The following ZNF423 variants were observed in gnomAD, a reference collection of about 807,000 sequenced individuals.
The protein encoded by ZNF423 is Ebf-associated zinc finger protein.
A neutral mutation model predicts 95.8 loss-of-function variants in ZNF423; 12 were observed. The ratio of observed to expected loss-of-function variants is 0.13; its 90% CI spans 0.08 to 0.20. ZNF423 has a LOEUF of 0.20. Among genes scored for constraint, ZNF423 ranks in the 10% least tolerant of loss-of-function variants. The probability of loss-of-function intolerance (pLI) is 1.00; values close to 1 mark genes in which losing one functional copy is unlikely to be tolerated. For synonymous variants in ZNF423, 749 were observed against 711.9 expected (o/e 1.05, Z -0.83); for missense variants, 1,316 against 1,737.1 (o/e 0.76, Z 4.31).
In ZNF423 at chr16:49,635,958, T is replaced by G; in HGVS notation, c.3218A>C (p.Lys1073Thr). ...PNGQGLQKLY[K>T]CALCLKEFRS... ...GAACTCCTTGAGGCACAGGGCGCAC[T>G]TGTAGAGCTTCTGCAGCCCCTGGCC... The change falls in exon 4 of 8, where the codon AAG becomes ACG. Residue 1073 changes from lysine to threonine, a missense_variant. Physicochemically the swap from Lys to Thr is moderately conservative, Grantham distance 78. Around this residue, in one of 6 missense-constraint regions of ZNF423, gnomAD observed 620 missense variants for 775.6 expected, o/e 0.80. Transcript: ENST00000563137. The surrounding 1 kb of genome is among the most constrained non-coding windows in gnomAD (Gnocchi z 4.8). The G allele has an allele frequency of 6.3e-7, 1 of 1,597,492 alleles. No homozygotes were observed. The highest frequency in any genetic ancestry group is 8.5e-7 in the Non-Finnish European group (1 of 1,170,722).
At chr16:49,854,014 G>C in intron 1 of ZNF423, 2 of 985,408 alleles carry the variant, frequency 2.0e-6, no homozygotes, top group Non-Finnish European at 2.4e-6. Context: ...CAGTGAGCCA[G>C]GGAAAGAGAA....
At chr16:49,573,509 T>G (rs151129449) in intron 5 of ZNF423, among the ~76,000 whole-genome samples, 1 of 152,322 alleles carries the variant, frequency 6.6e-6, no homozygotes, top group East Asian at 1.9e-4. Flanking sequence ...CTCCTTGCTA[T>G]GTTGTAATGT....
intron 2 of ZNF423, among the ~76,000 whole-genome samples, chr16:49,772,172 T>A (rs777263570): frequency 9.9e-5 from 15 of 152,148 alleles, no homozygotes; most frequent in Non-Finnish European, 2.2e-4. Flanking sequence ...TCAGTCCCAG[T>A]CCCAGGCTGA....
chr16:49,641,545 C>T (rs1196243390), intron 3 of ZNF423, among the ~76,000 whole-genome samples: 7 of 152,156 alleles, frequency 4.6e-5, no homozygotes, highest in African/African-American at 1.4e-4. Flanking sequence ...CACTCTTGTC[C>T]CTAGGACAAG....
At chr16:49,846,619 G>A (rs2035249140) in intron 1 of ZNF423, among the ~76,000 whole-genome samples, 7 of 152,138 alleles carry the variant, frequency 4.6e-5, no homozygotes, top group Admixed American at 4.6e-4. Flanking sequence ...GCTCCCCAGA[G>A]ACCCCAGCAC....
chr16:49,514,754 GC>G (rs1465370004), intron 7 of ZNF423, among the ~76,000 whole-genome samples: 1 of 152,238 alleles, frequency 6.6e-6, no homozygotes, highest in African/African-American at 2.4e-5. Context: ...TGGCCGCTTT[GC>G]CACCGCGGGC....
At chr16:49,858,241 C>A (rs928411554), upstream of ZNF423, among the ~76,000 whole-genome samples, 3 of 149,130 alleles carry the variant, frequency 2.0e-5, no homozygotes, top group Admixed American at 6.7e-5. The surrounding 1 kb of genome is among the most constrained non-coding windows in gnomAD (Gnocchi z 4.3). Flanking sequence ...CCGGCCGGGC[C>A]GCGGCGCCCG....
chr16:49,821,854 C>T (rs913654772), intron 1 of ZNF423, among the ~76,000 whole-genome samples: 3 of 152,198 alleles, frequency 2.0e-5, no homozygotes, highest in African/African-American at 7.2e-5. Flanking sequence ...ACAGCCCAGA[C>T]CCTCTGCAGC....
intron 3 of ZNF423, among the ~76,000 whole-genome samples, chr16:49,677,232 A>G (rs1299432376): frequency 1.1e-4 from 1 of 9,002 alleles, no homozygotes; most frequent in African/African-American, 4.5e-4. Flanking sequence ...ACAAGAAAAG[A>G]GAAGAGAAGA....
chr16:49,567,857 A>C (rs16947618), intron 5 of ZNF423, among the ~76,000 whole-genome samples: 16,967 of 152,208 alleles, frequency 0.11, 1,128 homozygotes, highest in East Asian at 0.27. Flanking sequence ...CCCAGCTCTA[A>C]GTACTCATTC....
At chr16:49,623,840 T>C (rs1457694365) in intron 5 of ZNF423, among the ~76,000 whole-genome samples, 1 of 152,144 alleles carries the variant, frequency 6.6e-6, no homozygotes, top group Admixed American at 6.5e-5. Context: ...GGCTGTCAGA[T>C]AGGTTGGGGG....
chr16:49,753,960 G>A (rs1473963118), intron 2 of ZNF423, among the ~76,000 whole-genome samples: 4 of 151,898 alleles, frequency 2.6e-5, no homozygotes. Flanking sequence ...GAACACGGGA[G>A]GAGAAGGGTG....
At chr16:49,790,599 C>T (rs989279806) in intron 1 of ZNF423, among the ~76,000 whole-genome samples, 14 of 152,238 alleles carry the variant, frequency 9.2e-5, no homozygotes, top group African/African-American at 3.4e-4. Context: ...GTGACCCCAA[C>T]CCACCACATG....
intron 1 of ZNF423, among the ~76,000 whole-genome samples, chr16:49,800,657 G>A (rs1171552928): frequency 6.6e-6 from 1 of 152,162 alleles, no homozygotes; most frequent in Non-Finnish European, 1.5e-5. Context: ...ACCCTTCACT[G>A]AGCCCAAGTG....
At chr16:49,565,641 G>A (rs1490581823) in intron 5 of ZNF423, among the ~76,000 whole-genome samples, 1 of 152,148 alleles carries the variant, frequency 6.6e-6, no homozygotes, top group Non-Finnish European at 1.5e-5. Flanking sequence ...ATCTGCTGGT[G>A]CCATCAACTC....
intron 1 of ZNF423, among the ~76,000 whole-genome samples, chr16:49,806,615 G>C (rs2034667278): frequency 6.6e-6 from 1 of 152,096 alleles, no homozygotes; most frequent in South Asian, 2.1e-4. Flanking sequence ...AAACTGATTT[G>C]TGTATGTATG....
chr16:49,716,737 G>A (rs1364313332), intron 3 of ZNF423, among the ~76,000 whole-genome samples: 1 of 152,118 alleles, frequency 6.6e-6, no homozygotes, highest in East Asian at 1.9e-4. Context: ...ACTAGAAGCA[G>A]TTCCTCCTGA....
At chr16:49,749,558 G>A (rs1244625731) in intron 2 of ZNF423, among the ~76,000 whole-genome samples, 1 of 152,244 alleles carries the variant, frequency 6.6e-6, no homozygotes, top group South Asian at 2.1e-4. Flanking sequence ...TGATGAGCGC[G>A]ATCCCGCACA....
chr16:49,667,654 G>C (rs1567278094), intron 3 of ZNF423, among the ~76,000 whole-genome samples: 2 of 152,240 alleles, frequency 1.3e-5, no homozygotes, highest in Admixed American at 1.3e-4. Flanking sequence ...AGCTGAGGCA[G>C]GAGGATCCCT....
Sources: allele counts gnomAD v4.1 joint callset (sites outside exome capture counted in the v4.1 genomes callset), GRCh38; gene constraint gnomAD v4.1.1; regional missense constraint gnomAD v4.1.1; non-coding constraint Gnocchi (gnomAD v3.1); transcripts MANE v1.5; gene names NCBI Gene and HGNC (gene_info 2026-07-23, HGNC 2026-07-21).